Variants in DISC1 observed in about 807,000 individuals in gnomAD.
The protein encoded by DISC1 is disrupted in schizophrenia 1 protein.
DISC1 carries 57 observed loss-of-function variants against 84.5 expected under a neutral mutation model. The observed-to-expected ratio is 0.67, with a 90% CI of 0.55 to 0.84. The LOEUF is 0.84. Among genes scored for constraint, DISC1 ranks in the 40% least tolerant of loss-of-function variants. The probability of loss-of-function intolerance (pLI) is 0.00; values close to 1 mark genes in which losing one functional copy is unlikely to be tolerated. For missense variants in DISC1, 1,000 were observed against 1,057.8 expected (o/e 0.95, Z 0.76); for synonymous variants, 411 against 415.2 (o/e 0.99, Z 0.12).
intron 11 of DISC1, among the ~76,000 whole-genome samples, chr1:232,019,558 G>T (rs938503988): frequency 1.3e-5 from 2 of 152,108 alleles, no homozygotes; most frequent in African/African-American, 4.8e-5. Flanking sequence ...TATCAGTCTT[G>T]CAGGCTTTCT....
chr1:231,931,718 A>T (rs1279447186), intron 9 of DISC1, among the ~76,000 whole-genome samples: 2 of 150,642 alleles, frequency 1.3e-5, no homozygotes, highest in Admixed American at 1.3e-4. Context: ...GCATAGTCAT[A>T]ACTCACTGCA....
intron 9 of DISC1, among the ~76,000 whole-genome samples, chr1:231,865,042 G>A (rs930865225): frequency 1.3e-5 from 2 of 152,144 alleles, no homozygotes; most frequent in Non-Finnish European, 2.9e-5. Flanking sequence ...GAATGATCAC[G>A]GAAGGACTTT....
chr1:231,843,293 G>A (rs1028564278), intron 9 of DISC1, among the ~76,000 whole-genome samples: 2 of 152,184 alleles, frequency 1.3e-5, no homozygotes, highest in Non-Finnish European at 2.9e-5. Flanking sequence ...GTGGGGCTGC[G>A]TTGTTCAGTG....
intron 8 of DISC1, among the ~76,000 whole-genome samples, chr1:231,813,798 A>G (rs2080589203): frequency 6.6e-6 from 1 of 152,066 alleles, no homozygotes; most frequent in Non-Finnish European, 1.5e-5. Flanking sequence ...CCCTCCTGAA[A>G]TCTGCCTCAG....
intron 9 of DISC1, among the ~76,000 whole-genome samples, chr1:231,957,432 A>G (rs1348877069): frequency 1.3e-5 from 2 of 151,448 alleles, no homozygotes; most frequent in African/African-American, 4.9e-5. Flanking sequence ...TGGAATTTTT[A>G]TGTTTATTCT....
At chr1:231,669,990 G>C (rs1438572594) in intron 1 of DISC1, among the ~76,000 whole-genome samples, 1 of 152,128 alleles carries the variant, frequency 6.6e-6, no homozygotes, top group Non-Finnish European at 1.5e-5. Context: ...ATCAATGATA[G>C]ACTGGATAAA....
At chr1:231,811,234 A>G (rs941115755) in intron 8 of DISC1, among the ~76,000 whole-genome samples, 1 of 152,202 alleles carries the variant, frequency 6.6e-6, no homozygotes, top group African/African-American at 2.4e-5. Context: ...CCTGACAGAA[A>G]ATGGCAAATT....
chr1:231,949,661 C>T (rs1032590028), intron 9 of DISC1, among the ~76,000 whole-genome samples: 1 of 152,250 alleles, frequency 6.6e-6, no homozygotes. Flanking sequence ...CCATCCTTGG[C>T]CACTGAGCAC....
intron 9 of DISC1, among the ~76,000 whole-genome samples, chr1:231,881,510 C>T (rs1274679297): frequency 6.6e-6 from 1 of 152,112 alleles, no homozygotes; most frequent in Non-Finnish European, 1.5e-5. Context: ...CTCTAATGAT[C>T]CTGTTTGAAC....
At chr1:231,631,483 T>C (rs1437412810) in intron 1 of DISC1, among the ~76,000 whole-genome samples, 1 of 152,154 alleles carries the variant, frequency 6.6e-6, no homozygotes, top group Admixed American at 6.5e-5. Flanking sequence ...GCTCCATGCG[T>C]GTTTTTGCCT....
Position 232,008,880 on chromosome 1 carries a change from G to A in DISC1, c.2138G>A (p.Ser713Asn). The A allele has an allele frequency of 3.1e-6, 5 of 1,613,806 alleles. No individual in the cohort carries two copies. The highest frequency in any genetic ancestry group is 4.2e-6 in the Non-Finnish European group (5 of 1,179,810). The change falls in exon 11 of 13, where the codon AGC becomes AAC. Residue 713 changes from serine (S) to asparagine (N), a missense_variant. Transcript: ENST00000439617. ...QSLQLQEARG[S>N]LSVEDERQMD... ...CTACAGCTCCAGGAAGCCAGGGGAA[G>A]CCTGTCTGTAGAAGATGAGAGGCAG... is the stretch of plus-strand genomic sequence containing the variant.
chr1:231,911,710 A>T (rs1487137191), intron 9 of DISC1, among the ~76,000 whole-genome samples: 1 of 152,140 alleles, frequency 6.6e-6, no homozygotes, highest in Non-Finnish European at 1.5e-5. Context: ...CCTGCATTTG[A>T]ATGTTGGCCT....
chr1:232,005,259 G>A (rs1667280239), intron 10 of DISC1, among the ~76,000 whole-genome samples: 2 of 151,838 alleles, frequency 1.3e-5, no homozygotes, highest in Admixed American at 6.6e-5. Context: ...GTCCCATTAT[G>A]CCTCTCACAT....
rs116274855 is a variant in DISC1, at chr1:231,755,888, C to T, written c.1268+5812C>T. On this transcript the variant is annotated intron_variant, in intron 4 of 12. Coordinates refer to ENST00000439617, the MANE Select transcript of DISC1 (RefSeq NM_018662.3). ...TTAACACTTTAAATCTGGATTATTG[C>T]AGTGGTCTCCTTGCTGGTATTTCTG... 5.5e-3 allele frequency among the ~76,000 whole-genome samples: 842 copies of T among 152,342 alleles called. 7 individuals carry two copies. Among genetic ancestry groups the T allele is most frequent in the African/African-American group, 0.019 (800 of 41,580 alleles).
At chr1:231,661,285 C>G (rs1043730636) in intron 1 of DISC1, among the ~76,000 whole-genome samples, 1 of 151,928 alleles carries the variant, frequency 6.6e-6, no homozygotes, top group Non-Finnish European at 1.5e-5. Context: ...TGAATATTGG[C>G]CTATCTTGCC....
At chr1:231,998,229 ACTT>A (rs1280816424) in intron 10 of DISC1, among the ~76,000 whole-genome samples, 2 of 152,226 alleles carry the variant, frequency 1.3e-5, no homozygotes, top group Non-Finnish European at 2.9e-5. Context: ...GAGAGGGAAA[ACTT>A]AAAAGATAAA....
chr1:231,800,245 A>C (rs1209488004), intron 8 of DISC1, 35 bp downstream of exon 8: 1 of 1,497,286 alleles, frequency 6.7e-7, no homozygotes, highest in Non-Finnish European at 9.3e-7. Context: ...GAAGCTATCC[A>C]ACTAAAATAA....
At chr1:231,735,746 C>T (rs551950357) in intron 3 of DISC1, among the ~76,000 whole-genome samples, 1 of 152,302 alleles carries the variant, frequency 6.6e-6, no homozygotes, top group African/African-American at 2.4e-5. Context: ...TAGCAGTGCT[C>T]ATAAAATTGT....
At chr1:231,842,868 G>A (rs1465101766) in intron 9 of DISC1, among the ~76,000 whole-genome samples, 1 of 152,172 alleles carries the variant, frequency 6.6e-6, no homozygotes, top group African/African-American at 2.4e-5. Flanking sequence ...TGGATACAGG[G>A]TTTGAAGGAG....
Sources: gnomAD v4.1 joint callset for allele counts (sites outside exome capture counted in the v4.1 genomes callset) on GRCh38, gnomAD v4.1.1 for gene constraint, MANE v1.5 for transcripts, NCBI Gene and HGNC (gene_info 2026-07-23, HGNC 2026-07-21) for gene names.